The following CDYL2 variants were observed in gnomAD, a reference collection of about 807,000 sequenced individuals.
The protein encoded by CDYL2 is chromodomain Y like 2.
In CDYL2, 23 loss-of-function variants were observed where a neutral mutation model predicts 49.4. That is an observed-to-expected ratio of 0.47 (90% CI 0.34 to 0.66). CDYL2 has a LOEUF of 0.66. CDYL2 is among the 30% of genes least tolerant of loss of function. CDYL2 has a pLI of 0.01. For missense variants in CDYL2, 678 were observed against 656.4 expected (o/e 1.03, Z -0.36); for synonymous variants, 360 against 268.8 (o/e 1.34, Z -3.32).
At chr16:80,632,964 G>C in intron 3 of CDYL2, 55 bp downstream of exon 3, 1 of 1,520,802 alleles carries the variant, frequency 6.6e-7, no homozygotes, top group African/African-American at 1.4e-5. Flanking sequence ...ATTCCATTCT[G>C]AGTGAGAAGG....
At chr16:80,776,355 TACACTA>T (rs1907082628) in intron 1 of CDYL2, among the ~76,000 whole-genome samples, 1 of 152,082 alleles carries the variant, frequency 6.6e-6, no homozygotes, top group African/African-American at 2.4e-5. Context: ...AAGATGAATA[TACACTA>T]GGATTCAGGA....
intron 1 of CDYL2, among the ~76,000 whole-genome samples, chr16:80,713,948 T>C (rs1325582231): frequency 6.6e-6 from 1 of 152,146 alleles, no homozygotes; most frequent in Non-Finnish European, 1.5e-5. Context: ...TCAGAATGAA[T>C]GTGCTTCCAG....
chr16:80,734,705 G>T (rs950397083), intron 1 of CDYL2, among the ~76,000 whole-genome samples: 1 of 152,172 alleles, frequency 6.6e-6, no homozygotes, highest in Admixed American at 6.5e-5. Context: ...TGGGAGCACA[G>T]ATATACCTGC....
intron 1 of CDYL2, among the ~76,000 whole-genome samples, chr16:80,703,681 C>G (rs1904319063): frequency 1.3e-5 from 2 of 152,194 alleles, no homozygotes. Flanking sequence ...GACCCAGCCC[C>G]TCCCAGAACC....
At chr16:80,797,853 C>T (rs1159501849) in intron 1 of CDYL2, among the ~76,000 whole-genome samples, 1 of 152,174 alleles carries the variant, frequency 6.6e-6, no homozygotes, top group Non-Finnish European at 1.5e-5. Flanking sequence ...CATTAACTGG[C>T]TGCCCTACTT....
At chr16:80,759,102 CTATATATATA>C (rs59240300) in intron 1 of CDYL2, among the ~76,000 whole-genome samples, 2,517 of 63,372 alleles carry the variant, frequency 0.04, 221 homozygotes, top group African/African-American at 0.18. Context: ...AAACCATATA[CTATATATATA>C]TATATATATA....
intron 1 of CDYL2, among the ~76,000 whole-genome samples, chr16:80,752,390 T>A (rs1046613221): frequency 6.6e-6 from 1 of 152,038 alleles, no homozygotes; most frequent in Non-Finnish European, 1.5e-5. Flanking sequence ...TTACCAAGAA[T>A]TTCCTTAAAA....
intron 1 of CDYL2, among the ~76,000 whole-genome samples, chr16:80,754,065 C>A (rs1906227010): frequency 6.6e-6 from 1 of 152,166 alleles, no homozygotes; most frequent in Non-Finnish European, 1.5e-5. Flanking sequence ...CTTATTTAAT[C>A]CTCACAATAA....
At chr16:80,665,117 CATTT>C (rs1161756334) in intron 2 of CDYL2, among the ~76,000 whole-genome samples, 2 of 152,158 alleles carry the variant, frequency 1.3e-5, no homozygotes, top group African/African-American at 2.4e-5. Context: ...TCATAAATGG[CATTT>C]ATTAATGATG....
intron 4 of CDYL2, among the ~76,000 whole-genome samples, chr16:80,616,390 A>G (rs1906828361): frequency 6.6e-6 from 1 of 152,134 alleles, no homozygotes; most frequent in East Asian, 1.9e-4. Flanking sequence ...GAGGGTGGAC[A>G]GAGTCCTCAT....
chr16:80,759,461 G>A (rs1190813184), intron 1 of CDYL2, among the ~76,000 whole-genome samples: 1 of 152,080 alleles, frequency 6.6e-6, no homozygotes, highest in Non-Finnish European at 1.5e-5. Context: ...GAAACAAAAT[G>A]ATTGTTAACT....
At chr16:80,627,650 T>C (rs1485592800) in intron 3 of CDYL2, 1 of 152,048 alleles carries the variant, frequency 6.6e-6, no homozygotes, top group Non-Finnish European at 1.5e-5. Flanking sequence ...AAGTAAAATG[T>C]TCCGAAATTA....
Position 80,608,104 on chromosome 16 carries a change from G to A in CDYL2, c.1350C>T (p.Ser450=), listed in dbSNP as rs1269158942. 1 of 1,591,110 alleles carries A rather than the reference G, an allele frequency of 6.3e-7. No homozygotes were observed. ...EVMLRVKEMA[S]CSAVVLEESK... ...CGCAGGAACTCACCACGGCACTGCAGGATGCCATCTCCTTGACCCGCAGCA... is the reference window on the plus strand; with the variant it reads ...CGCAGGAACTCACCACGGCACTGCAAGATGCCATCTCCTTGACCCGCAGCA... The change falls in exon 6 of 7, where the codon TCC becomes TCT. Residue 450 remains serine, a synonymous_variant. Transcript: ENST00000570137.
At chr16:80,704,518 T>A (rs3114392) in intron 1 of CDYL2, among the ~76,000 whole-genome samples, 2,152 of 152,258 alleles carry the variant, frequency 0.014, 134 homozygotes, top group Admixed American at 0.11. Flanking sequence ...CCAACCAACA[T>A]TAATAGCAAA....
intron 2 of CDYL2, among the ~76,000 whole-genome samples, chr16:80,634,722 G>A (rs1401499171): frequency 3.3e-5 from 5 of 152,088 alleles, no homozygotes; most frequent in Non-Finnish European, 7.4e-5. Context: ...TAACTTAGAT[G>A]AAATTTCTTT....
chr16:80,705,969 A>C (rs1231569756), intron 1 of CDYL2, among the ~76,000 whole-genome samples: 1 of 152,236 alleles, frequency 6.6e-6, no homozygotes, highest in African/African-American at 2.4e-5. Context: ...GCATATATTG[A>C]GCATCTACCG....
chr16:80,707,263 G>C (rs151155121), intron 1 of CDYL2, among the ~76,000 whole-genome samples: 2 of 152,236 alleles, frequency 1.3e-5, no homozygotes, highest in African/African-American at 4.8e-5. Flanking sequence ...AGGAGTTCAA[G>C]ACCAGCCTGG....
chr16:80,608,373 T>C, intron 5 of CDYL2, 138 bp from the exon 6 acceptor site: 1 of 946,628 alleles, frequency 1.1e-6, no homozygotes, highest in Non-Finnish European at 1.5e-6. Context: ...TATTTTGGGG[T>C]CAGATAAGCT....
intron 1 of CDYL2, among the ~76,000 whole-genome samples, chr16:80,740,675 G>A (rs1379335980): frequency 6.6e-6 from 1 of 152,080 alleles, no homozygotes; most frequent in Non-Finnish European, 1.5e-5. Flanking sequence ...AAGATGTGTA[G>A]TTCCCAAATA....
Sources: gnomAD v4.1 joint callset for allele counts (sites outside exome capture counted in the v4.1 genomes callset) on GRCh38, gnomAD v4.1.1 for gene constraint, MANE v1.5 for transcripts, NCBI Gene and HGNC (gene_info 2026-07-23, HGNC 2026-07-21) for gene names.